SEC13: variants seen among roughly 807,000 people sequenced by gnomAD.
The protein encoded by SEC13 is SEC13 homolog, nuclear pore and COPII component, also known as protein SEC13 homolog.
Under a neutral mutation model 49.2 loss-of-function variants are expected in SEC13, and 25 were observed. The observed-to-expected ratio is 0.51, with a 90% CI of 0.37 to 0.71. The LOEUF is 0.71. SEC13 is among the 30% of genes least tolerant of loss of function. The probability of loss-of-function intolerance (pLI) is 0.00; values close to 1 mark genes in which losing one functional copy is unlikely to be tolerated. For synonymous variants in SEC13, 148 were observed against 163.9 expected (o/e 0.90, Z 0.74); for missense variants, 383 against 417.6 (o/e 0.92, Z 0.72).
chr3:10,315,500 T>G, intron 2 of SEC13, 64 bp from the exon 3 acceptor site: 1 of 743,782 alleles, frequency 1.3e-6, no homozygotes. Flanking sequence ...GGGTGAGGGC[T>G]GTCACTACAC....
chr3:10,303,963 T>G (rs753373211), intron 8 of SEC13, 63 bp downstream of exon 8: 1 of 1,589,098 alleles, frequency 6.3e-7, no homozygotes, highest in Non-Finnish European at 8.6e-7. Context: ...AAGTGCCCTC[T>G]CTAGTGGGCG....
At chr3:10,312,821 CAG>C (rs1345896570) in intron 3 of SEC13, 91 bp from the exon 4 acceptor site, 2 of 1,316,278 alleles carry the variant, frequency 1.5e-6, no homozygotes, top group Non-Finnish European at 2.1e-6. Context: ...GACGATATAT[CAG>C]GGCAGAATTG....
In SEC13 at chr3:10,320,751, G is replaced by A. The variant is rs890966630; in HGVS notation, c.3+299C>T. The A allele has an allele frequency of 5.4e-6, 7 of 1,298,522 alleles. No individual in the cohort carries two copies. The African/African-American group carries it at 1.1e-4, about 20-fold the overall frequency. The allele number at this position is 1,298,522 out of a possible 1,614,324, so 80.4% of individuals were successfully genotyped here. On this transcript the variant is annotated intron_variant, in intron 1 of 8. Coordinates refer to ENST00000350697, the MANE Select transcript of SEC13 (RefSeq NM_183352.3). ...AACAATGCTGAGGGCTCGGTATACAGTAGCTCCTCTGCTGTTCCTCGTTTT... is the reference window on the plus strand; with the variant it reads ...AACAATGCTGAGGGCTCGGTATACAATAGCTCCTCTGCTGTTCCTCGTTTT...
chr3:10,319,198 AT>A (rs1380464199), intron 1 of SEC13: 2 of 1,613,758 alleles, frequency 1.2e-6, no homozygotes, highest in African/African-American at 2.7e-5. Context: ...TTGACTTGTG[AT>A]TTCAGAAAGG....
chr3:10,321,069 G>A lies in SEC13; in HGVS notation c.-17C>T. 1 of 1,612,946 alleles carries A rather than the reference G, an allele frequency of 6.2e-7. No individual in the cohort carries two copies. Among genetic ancestry groups the A allele is most frequent in the South Asian group, 1.1e-5 (1 of 90,810 alleles). ...ACTCACCATGATTGCGGCGGTGGCT[G>A]CTCCAGGTCTCGGACGTGGCAGCTC... On this transcript the variant is annotated 5_prime_UTR_variant, in exon 1 of 9. Coordinates refer to ENST00000350697, the MANE Select transcript of SEC13 (RefSeq NM_183352.3). This position sits in a 1 kb window ranked among gnomAD's most constrained non-coding sequence, Gnocchi z 4.1.
chr3:10,310,352 G>A (rs1701175130), intron 5 of SEC13, among the ~76,000 whole-genome samples: 1 of 152,136 alleles, frequency 6.6e-6, no homozygotes, highest in African/African-American at 2.4e-5. Flanking sequence ...TTAGCCGGGT[G>A]TTGTGGCGTG....
chr3:10,301,007 A>C lies in SEC13; in HGVS notation c.*254T>G. 2 of 1,454,308 alleles carry C rather than the reference A, an allele frequency of 1.4e-6. No individual in the cohort carries two copies. The highest frequency in any genetic ancestry group is 1.9e-6 in the Non-Finnish European group (2 of 1,056,652). 90.1% of individuals were successfully genotyped at this position (1,454,308 alleles called of 1,614,324 possible). ...TAATGCCTGAACCCAAAGGTACATA[A>C]AAATGACCCAAAATAGATTTGAACA... On this transcript the variant is annotated 3_prime_UTR_variant, in exon 9 of 9. Transcript: ENST00000350697.
chr3:10,303,664 C>CTGTT (rs1204600341), intron 8 of SEC13: 7 of 305,332 alleles, frequency 2.3e-5, no homozygotes, highest in Non-Finnish European at 3.8e-5. Context: ...CAATCTTCTT[C>CTGTT]TGTTTATGGG....
At chr3:10,302,933 G>A (rs1574860276) in intron 8 of SEC13, among the ~76,000 whole-genome samples, 1 of 152,194 alleles carries the variant, frequency 6.6e-6, no homozygotes, top group Non-Finnish European at 1.5e-5. Context: ...TGACATAGTC[G>A]CAAAAGGACA....
In SEC13 at chr3:10,305,823, T is replaced by G; in HGVS notation, c.451-131A>C. ...TGTGAAGGCTGACATGAAGCACTCA[T>G]CATGGGGTCCACTGCTCAGAATTCT... On this transcript the variant is annotated intron_variant, in intron 5 of 8. Transcript: ENST00000350697. 6 of 914,794 alleles carry G rather than the reference T, an allele frequency of 6.6e-6. No individual in the cohort carries two copies. The Admixed American group carries it at 1.4e-4, about 21-fold the overall frequency. 56.7% of individuals were successfully genotyped at this position (914,794 alleles called of 1,614,324 possible).
chr3:10,301,355 G>T lies in SEC13; in HGVS notation c.875C>A (p.Ser292Ter), dbSNP rs1343427971. ...GDNKVTLWKE[S>*]VDGQWVCISD... Reference sequence around the variant, plus strand: ...GATGCACACCCACTGCCCATCAACTGACTCCTTCCACAGGGTCACCTGCGA... The same window carrying T: ...GATGCACACCCACTGCCCATCAACTTACTCCTTCCACAGGGTCACCTGCGA... The change falls in exon 9 of 9, where the codon TCA (serine) becomes TAA (stop). Residue 292 changes from serine (S) to a stop codon, truncating the protein, a stop_gained. Transcript: ENST00000350697. LOFTEE classifies it high-confidence loss of function. 1 of 1,614,026 alleles carries T rather than the reference G, an allele frequency of 6.2e-7. No individual in the cohort carries two copies. The highest frequency in any genetic ancestry group is 8.5e-7 in the Non-Finnish European group (1 of 1,180,042).
chr3:10,305,967 T>C (rs746383280), intron 5 of SEC13: 5 of 300,764 alleles, frequency 1.7e-5, no homozygotes, highest in African/African-American at 4.2e-5. Context: ...GAATGGTACA[T>C]TGGAGCTTTT....
At chr3:10,316,051 A>C (rs1230569875) in intron 2 of SEC13, among the ~76,000 whole-genome samples, 1 of 152,184 alleles carries the variant, frequency 6.6e-6, no homozygotes, top group African/African-American at 2.4e-5. Flanking sequence ...AGAGCTTCCC[A>C]GACTTTCCAC....
At chr3:10,320,302 G>A (rs2059753601) in intron 1 of SEC13, among the ~76,000 whole-genome samples, 1 of 152,144 alleles carries the variant, frequency 6.6e-6, no homozygotes, top group Non-Finnish European at 1.5e-5. Context: ...ACACACCCAT[G>A]TTTCTAAAAG....
At chr3:10,302,753 T>C (rs968911476) in intron 8 of SEC13, among the ~76,000 whole-genome samples, 3 of 152,178 alleles carry the variant, frequency 2.0e-5, no homozygotes, top group African/African-American at 7.2e-5. Flanking sequence ...AGCCACACTA[T>C]TCGCAATAGC....
chr3:10,312,644 A>C lies in SEC13; in HGVS notation c.251T>G (p.Ile84Ser). The C allele has an allele frequency of 1.2e-6, 2 of 1,614,150 alleles. No homozygotes were observed. Among genetic ancestry groups the C allele is most frequent in the Non-Finnish European group, 1.7e-6 (2 of 1,180,028 alleles). Residue 84 changes from isoleucine (I) to serine (S), a missense_variant, in exon 4 of 9, where the codon ATT becomes AGT. Physicochemically the swap from Ile to Ser is moderately radical, Grantham distance 142. Coordinates refer to ENST00000350697, the MANE Select transcript of SEC13 (RefSeq NM_183352.3). ...LASCSYDRKV[I>S]IWREENGTWE... is the part of the protein sequence containing the mutation. ...GGTGCCGTTTTCCTCTCTCCAGATA[A>C]TGACTTTCCGGTCATAGGAGCACGA...
chr3:10,312,550 T>G (rs1363116639), intron 4 of SEC13, 29 bp downstream of exon 4: 1 of 1,612,678 alleles, frequency 6.2e-7, no homozygotes, highest in Non-Finnish European at 8.5e-7. Context: ...GTGGTCCCCT[T>G]GCCCGCTCTG....
At chr3:10,301,474 G>T in intron 8 of SEC13, 100 bp from the exon 9 acceptor site, 1 of 1,485,816 alleles carries the variant, frequency 6.7e-7, no homozygotes, top group East Asian at 2.4e-5. Flanking sequence ...ACTGCCCAGA[G>T]GCTTGTGGGT....
chr3:10,318,046 T>C lies in SEC13; in HGVS notation c.48+4A>G. 1 of 1,598,790 alleles carries C rather than the reference T, an allele frequency of 6.3e-7. No individual in the cohort carries two copies. Among genetic ancestry groups the C allele is most frequent in the Non-Finnish European group, 8.6e-7 (1 of 1,166,608 alleles). ...CCTCCAGGGAGGGTGATATTAATACTTACAATCATGTCCTCATGGGAGGTA... is the reference window on the plus strand; with the variant it reads ...CCTCCAGGGAGGGTGATATTAATACCTACAATCATGTCCTCATGGGAGGTA... On this transcript the variant is annotated splice_donor_region_variant and intron_variant, in intron 2 of 8. Coordinates refer to ENST00000350697, the MANE Select transcript of SEC13 (RefSeq NM_183352.3).
Sources: gnomAD v4.1 joint callset for allele counts (sites outside exome capture counted in the v4.1 genomes callset) on GRCh38, gnomAD v4.1.1 for gene constraint, Gnocchi (gnomAD v3.1) non-coding constraint, MANE v1.5 for transcripts, NCBI Gene and HGNC (gene_info 2026-07-23, HGNC 2026-07-21) for gene names.